The following RASAL2 variants were observed in gnomAD, a reference collection of about 807,000 sequenced individuals.
RASAL2 encodes the protein RAS protein activator like 2, also known as ras GTPase-activating protein nGAP.
In RASAL2, 58 loss-of-function variants were observed where a neutral mutation model predicts 128.9. That is an observed-to-expected ratio of 0.45 (90% CI 0.36 to 0.56). The LOEUF is 0.56. RASAL2 is among the 20% of genes least tolerant of loss of function. RASAL2 has a pLI of 0.00. For missense variants in RASAL2, 1,360 were observed against 1,601.6 expected (o/e 0.85, Z 2.57); for synonymous variants, 561 against 580.8 (o/e 0.97, Z 0.49).
At chr1:178,318,741 T>C (rs1668612554) in intron 3 of RASAL2, among the ~76,000 whole-genome samples, 2 of 152,192 alleles carry the variant, frequency 1.3e-5, no homozygotes, top group South Asian at 4.1e-4. Context: ...TCTTGACTCT[T>C]TATCCAATTT....
At chr1:178,293,348 A>C (rs1297034235) in intron 2 of RASAL2, among the ~76,000 whole-genome samples, 1 of 152,250 alleles carries the variant, frequency 6.6e-6, no homozygotes, top group Non-Finnish European at 1.5e-5. Flanking sequence ...ACCAAAGGAA[A>C]GCTTAATAAA....
intron 3 of RASAL2, among the ~76,000 whole-genome samples, chr1:178,334,786 C>G (rs1669508301): frequency 6.6e-6 from 1 of 152,124 alleles, no homozygotes; most frequent in Admixed American, 6.5e-5. Context: ...GGTGAAATCC[C>G]TTCTTTACTG....
At chr1:178,232,463 A>G (rs539729183) in intron 1 of RASAL2, among the ~76,000 whole-genome samples, 6 of 152,294 alleles carry the variant, frequency 3.9e-5, no homozygotes, top group East Asian at 1.9e-4. Flanking sequence ...GTACATTCCT[A>G]TGTTCCAGTT....
At chr1:178,451,423 G>T in intron 9 of RASAL2, 148 bp from the exon 10 acceptor site, 1 of 745,042 alleles carries the variant, frequency 1.3e-6, no homozygotes, top group Admixed American at 2.9e-5. Flanking sequence ...AAAGCAATGA[G>T]GCTTCATGGG....
At chr1:178,301,612 T>A (rs1667766490) in intron 3 of RASAL2, among the ~76,000 whole-genome samples, 1 of 152,052 alleles carries the variant, frequency 6.6e-6, no homozygotes, top group African/African-American at 2.4e-5. Flanking sequence ...TTTGTATTTT[T>A]AATAGAGACA....
Position 178,251,099 on chromosome 1 carries a change from C to G in RASAL2, c.203-32465C>G, listed in dbSNP as rs536132771. Among the ~76,000 whole-genome samples the G allele has an allele frequency of 4.6e-5, 7 of 152,212 alleles. No individual in the cohort carries two copies. In the East Asian group the frequency reaches 1.4e-3, roughly 29 times the overall value. ...ACTAAGAATCAGGAGTTTAGGGTTCCATTTCTGTTTTGTTCCTGACTCACT... is the reference window on the plus strand; with the variant it reads ...ACTAAGAATCAGGAGTTTAGGGTTCGATTTCTGTTTTGTTCCTGACTCACT... On this transcript the variant is annotated intron_variant, in intron 1 of 17. Coordinates refer to ENST00000367649, the MANE Select transcript of RASAL2 (RefSeq NM_170692.4).
At chr1:178,326,079 C>T (rs1393544544) in intron 3 of RASAL2, among the ~76,000 whole-genome samples, 1 of 152,132 alleles carries the variant, frequency 6.6e-6, no homozygotes, top group Non-Finnish European at 1.5e-5. Context: ...TATGCTACTG[C>T]ACTCCAGCCT....
intron 4 of RASAL2, among the ~76,000 whole-genome samples, chr1:178,408,342 G>A (rs572652178): frequency 1.3e-5 from 2 of 152,118 alleles, no homozygotes; most frequent in South Asian, 4.1e-4. Flanking sequence ...TTTTTATAAG[G>A]CATGGATATC....
intron 1 of RASAL2, among the ~76,000 whole-genome samples, chr1:178,131,659 A>G (rs949194501): frequency 2.0e-5 from 3 of 152,018 alleles, no homozygotes; most frequent in Non-Finnish European, 2.9e-5. Context: ...TTTATCAACT[A>G]TCTTATTTCC....
chr1:178,291,488 G>C (rs1411468522), intron 2 of RASAL2, among the ~76,000 whole-genome samples: 1 of 152,080 alleles, frequency 6.6e-6, no homozygotes, highest in African/African-American at 2.4e-5. Context: ...ATAATGAAGG[G>C]ATAAATTTAC....
At chr1:178,256,054 T>C (rs1665327257) in intron 1 of RASAL2, among the ~76,000 whole-genome samples, 1 of 151,848 alleles carries the variant, frequency 6.6e-6, no homozygotes. Flanking sequence ...TCAGAGAAAA[T>C]AGACTAAACA....
At chr1:178,358,237 T>TAAAAAAAAAAAA (rs71567191) in intron 3 of RASAL2, among the ~76,000 whole-genome samples, 1 of 34,768 alleles carries the variant, frequency 2.9e-5, no homozygotes, top group African/African-American at 6.6e-5. Context: ...CTCTGTCTCC[T>TAAAAAAAAAAAA]AAAAAAAAAA....
At chr1:178,182,417 A>G (rs1287941629) in intron 1 of RASAL2, among the ~76,000 whole-genome samples, 1 of 152,164 alleles carries the variant, frequency 6.6e-6, no homozygotes, top group African/African-American at 2.4e-5. Flanking sequence ...TGATCTAGGC[A>G]CTAGGTATGT....
At chr1:178,409,442 G>T (rs1157230857) in intron 4 of RASAL2, among the ~76,000 whole-genome samples, 1 of 152,160 alleles carries the variant, frequency 6.6e-6, no homozygotes, top group Admixed American at 6.5e-5. Context: ...CCCTAGAAGA[G>T]ATCATTCCTA....
intron 3 of RASAL2, among the ~76,000 whole-genome samples, chr1:178,306,152 G>GT (rs748438913): frequency 4.6e-4 from 70 of 152,218 alleles, no homozygotes; most frequent in Non-Finnish European, 8.4e-4. Flanking sequence ...GCGGTGTTTG[G>GT]TTTTTTGTTC....
intron 3 of RASAL2, among the ~76,000 whole-genome samples, chr1:178,365,213 A>G (rs1445463679): frequency 4.6e-5 from 7 of 152,132 alleles, no homozygotes; most frequent in African/African-American, 1.4e-4. Context: ...TTGCTTCCTA[A>G]ATCTAGATAA....
intron 3 of RASAL2, chr1:178,372,125 C>T: frequency 1.0e-6 from 1 of 970,666 alleles, no homozygotes; most frequent in Non-Finnish European, 1.2e-6. Flanking sequence ...TTCATCATTA[C>T]TGCCTAGCCA....
At chr1:178,136,572 A>G (rs1228473111) in intron 1 of RASAL2, among the ~76,000 whole-genome samples, 5 of 151,848 alleles carry the variant, frequency 3.3e-5, no homozygotes, top group African/African-American at 1.2e-4. Flanking sequence ...CCTGGCCAAC[A>G]TGGTGAAACC....
At chr1:178,429,117 C>CA (rs1675721202) in intron 5 of RASAL2, among the ~76,000 whole-genome samples, 1 of 152,060 alleles carries the variant, frequency 6.6e-6, no homozygotes, top group Non-Finnish European at 1.5e-5. Flanking sequence ...CTGACAGATG[C>CA]ATTTCTCTTC....
Sources: allele counts gnomAD v4.1 joint callset (sites outside exome capture counted in the v4.1 genomes callset), GRCh38; gene constraint gnomAD v4.1.1; transcripts MANE v1.5; gene names NCBI Gene and HGNC (gene_info 2026-07-23, HGNC 2026-07-21).